Variants in RSU1 observed in about 807,000 individuals in gnomAD.
RSU1 encodes Ras suppressor protein 1, also known as rsu-1.
Under a neutral mutation model 31.1 loss-of-function variants are expected in RSU1, and 26 were observed. The ratio of observed to expected loss-of-function variants is 0.84; its 90% CI spans 0.61 to 1.16. The LOEUF (loss-of-function observed/expected upper bound fraction) is 1.16. Ranked by LOEUF, RSU1 falls within the 50% of genes most tolerant of loss-of-function variation. The pLI is 0.00. For synonymous variants in RSU1, 164 were observed against 136.3 expected (o/e 1.20, Z -1.41); for missense variants, 320 against 339.1 (o/e 0.94, Z 0.44).
At chr10:16,668,490 C>A (rs768959090) in intron 8 of RSU1, among the ~76,000 whole-genome samples, 14 of 152,284 alleles carry the variant, frequency 9.2e-5, no homozygotes, top group Admixed American at 2.0e-4. Flanking sequence ...TCAATTTCAT[C>A]ATCTAAAAAG....
Position 16,782,062 on chromosome 10 carries a change from T to A in RSU1, c.132A>T (p.Gln44His). 1.9e-6 allele frequency: 3 copies of A among 1,612,900 alleles called. No individual in the cohort carries two copies. The highest frequency in any genetic ancestry group is 2.5e-6 in the Non-Finnish European group (3 of 1,179,644). The change falls in exon 3 of 9, where the codon CAA (glutamine) becomes CAT (histidine). Residue 44 changes from glutamine (Q) to histidine (H), a missense_variant. Transcript: ENST00000345264. ...TTAGCTTGTTATGGCTGAGGACCAGTTGTGTGATATGGGATAAGGTAACTA... is the reference window on the plus strand; with the variant it reads ...TTAGCTTGTTATGGCTGAGGACCAGATGTGTGATATGGGATAAGGTAACTA... ...NGLFTLSHIT[Q>H]LVLSHNKLTM...
At chr10:16,690,702 A>T (rs996017624) in intron 8 of RSU1, among the ~76,000 whole-genome samples, 2 of 152,218 alleles carry the variant, frequency 1.3e-5, no homozygotes, top group African/African-American at 4.8e-5. Flanking sequence ...GAACTTGAGG[A>T]CGTGCTCTGA....
intron 2 of RSU1, among the ~76,000 whole-genome samples, chr10:16,808,485 G>GA (rs34449677): frequency 0.033 from 2,974 of 89,574 alleles, 70 homozygotes; most frequent in African/African-American, 0.072. Context: ...CTCCATTTAA[G>GA]AAAAAAAAAA....
intron 3 of RSU1, among the ~76,000 whole-genome samples, chr10:16,769,559 A>C (rs1174505218): frequency 1.3e-5 from 2 of 152,198 alleles, no homozygotes; most frequent in Non-Finnish European, 2.9e-5. Context: ...GGCTTGCTAA[A>C]ACACAGATGG....
At chr10:16,736,156 G>T (rs1360002049) in intron 7 of RSU1, among the ~76,000 whole-genome samples, 1 of 152,186 alleles carries the variant, frequency 6.6e-6, no homozygotes, top group Non-Finnish European at 1.5e-5. Context: ...CCAGAAAGCT[G>T]CACAGGAATT....
intron 8 of RSU1, among the ~76,000 whole-genome samples, chr10:16,612,031 T>C (rs141765788): frequency 2.0e-5 from 3 of 152,086 alleles, no homozygotes; most frequent in Non-Finnish European, 2.9e-5. Context: ...CATAACTCAA[T>C]AGGGTTGTTG....
chr10:16,710,614 G>A (rs1339387314), intron 7 of RSU1, among the ~76,000 whole-genome samples: 2 of 151,338 alleles, frequency 1.3e-5, no homozygotes, highest in African/African-American at 4.9e-5. Flanking sequence ...GTAGAATTCA[G>A]TAGTGAAGCC....
At chr10:16,737,524 A>C (rs1237875922) in intron 7 of RSU1, among the ~76,000 whole-genome samples, 1 of 152,044 alleles carries the variant, frequency 6.6e-6, no homozygotes, top group Non-Finnish European at 1.5e-5. Flanking sequence ...CCAAAAACTG[A>C]AAACAAAATA....
chr10:16,717,896 C>T (rs147017244), intron 7 of RSU1, among the ~76,000 whole-genome samples: 1,580 of 151,748 alleles, frequency 0.01, 33 homozygotes, highest in African/African-American at 0.036. Context: ...CAATTTTGGA[C>T]GCGGGTGAGG....
chr10:16,751,587 T>C (rs1197700349), intron 7 of RSU1, among the ~76,000 whole-genome samples: 1 of 152,230 alleles, frequency 6.6e-6, no homozygotes, highest in African/African-American at 2.4e-5. Flanking sequence ...ATTCAGTCAG[T>C]GTTTTCTGAG....
At chr10:16,751,293 G>A (rs1400983549) in intron 7 of RSU1, among the ~76,000 whole-genome samples, 4 of 152,198 alleles carry the variant, frequency 2.6e-5, no homozygotes, top group Admixed American at 2.0e-4. Context: ...GAAGTGTTGA[G>A]TTGCTCCTCA....
chr10:16,692,872 A>T (rs1268225200), intron 8 of RSU1, among the ~76,000 whole-genome samples: 1 of 152,194 alleles, frequency 6.6e-6, no homozygotes, highest in African/African-American at 2.4e-5. Flanking sequence ...GTATTGTCTA[A>T]AGTAATCTAA....
At position 16,669,527 on chromosome 10, in the gene RSU1, C is replaced by A. The variant is rs75959992; in HGVS notation, c.731+25496G>T. Among the ~76,000 whole-genome samples the A allele has an allele frequency of 6.4e-3, 982 of 152,290 alleles. 9 individuals are homozygous for A. Among genetic ancestry groups the A allele is most frequent in the African/African-American group, 0.022 (926 of 41,560 alleles). ...TTCTTTCCACATCATCAAAGAGAAA[C>A]CTCCCTCTTCCTAACAGTGACACTC... On this transcript the variant is annotated intron_variant, in intron 8 of 8. Transcript: ENST00000345264.
chr10:16,638,029 T>G (rs1023310230), intron 8 of RSU1, among the ~76,000 whole-genome samples: 2 of 152,308 alleles, frequency 1.3e-5, no homozygotes, highest in Admixed American at 1.3e-4. Context: ...GTAAATCACC[T>G]GAACATACCT....
At chr10:16,746,090 G>A (rs1459979757) in intron 7 of RSU1, among the ~76,000 whole-genome samples, 2 of 152,128 alleles carry the variant, frequency 1.3e-5, no homozygotes, top group Non-Finnish European at 2.9e-5. Flanking sequence ...TGTTAATTCT[G>A]TTTATTCTGG....
chr10:16,706,309 T>A (rs574854871), intron 7 of RSU1, among the ~76,000 whole-genome samples: 5 of 152,320 alleles, frequency 3.3e-5, no homozygotes, highest in Admixed American at 6.5e-5. Context: ...GATATGAAAT[T>A]ATATAGCATT....
At chr10:16,652,742 G>C (rs745773686) in intron 8 of RSU1, among the ~76,000 whole-genome samples, 7 of 152,122 alleles carry the variant, frequency 4.6e-5, no homozygotes, top group Admixed American at 6.6e-5. Context: ...GAGTGCAGTG[G>C]TGTGATCACG....
At position 16,674,643 on chromosome 10, in the gene RSU1, T is replaced by C. The variant is rs192089984; in HGVS notation, c.731+20380A>G. Among the ~76,000 whole-genome samples the C allele has an allele frequency of 1.6e-4, 25 of 152,030 alleles. 1 individual carries two copies. In the East Asian group the frequency reaches 4.6e-3, roughly 28 times the overall value. On this transcript the variant is annotated intron_variant, in intron 8 of 8. Coordinates refer to ENST00000345264, the MANE Select transcript of RSU1 (RefSeq NM_012425.4). ...CAGGAGTGGGTGGTGGGCGATGGGG[T>C]CCACTTTAGATACAGTGATAATGGA... is the stretch of plus-strand genomic sequence containing the variant.
At chr10:16,622,463 GA>G (rs1834086644) in intron 8 of RSU1, among the ~76,000 whole-genome samples, 1 of 152,196 alleles carries the variant, frequency 6.6e-6, no homozygotes, top group South Asian at 2.1e-4. Flanking sequence ...AAAACACTCT[GA>G]AAAAGTGCTC....
Sources: gnomAD v4.1 joint callset for allele counts (sites outside exome capture counted in the v4.1 genomes callset) on GRCh38, gnomAD v4.1.1 for gene constraint, MANE v1.5 for transcripts, NCBI Gene and HGNC (gene_info 2026-07-23, HGNC 2026-07-21) for gene names.